Variants in ZNF391 observed in about 807,000 individuals in gnomAD.
ZNF391 encodes zinc finger protein 391.
For missense variants in ZNF391, 375 were observed against 425.5 expected, an observed-to-expected ratio of 0.88 and a Z score of 1.04; for synonymous variants, 126 against 142.1, an observed-to-expected ratio of 0.89 and a Z score of 0.80.
Position 27,400,819 on chromosome 6 carries a change from C to T in ZNF391, c.449C>T (p.Thr150Ile). The change falls in exon 3 of 3, where the codon ACA (threonine) becomes ATA (isoleucine). Residue 150 changes from threonine (T) to isoleucine (I), a missense_variant. Transcript: ENST00000244576. Reference sequence around the variant, plus strand: ...TGTGGGAAATCTTTCAGCCGAAGTACACACCTTATTGAACATCAAAGAACT... The same window carrying T: ...TGTGGGAAATCTTTCAGCCGAAGTATACACCTTATTGAACATCAAAGAACT... Reference protein sequence around the residue: ...NKCGKSFSRSTHLIEHQRTHT... With the variant: ...NKCGKSFSRSIHLIEHQRTHT... 1.2e-6 allele frequency: 2 copies of T among 1,614,208 alleles called. No individual in the cohort carries two copies. The highest frequency in any genetic ancestry group is 2.2e-5 in the South Asian group (2 of 91,086).
upstream of ZNF391, among the ~76,000 whole-genome samples, chr6:27,384,022 T>C (rs1477304228): frequency 1.3e-5 from 2 of 152,140 alleles, no homozygotes; most frequent in Non-Finnish European, 2.9e-5. Context: ...AAATCATCCT[T>C]CAAAAGTTGA....
In ZNF391 at chr6:27,376,900, T is replaced by G. The variant is rs1002172397; in HGVS notation, n.523+1763T>G. ...AATACGTACACATTCTTGTGAAGTTTGTAAAACTAGGTATTTGGGTGCCTC... is the reference window on the plus strand; with the variant it reads ...AATACGTACACATTCTTGTGAAGTTGGTAAAACTAGGTATTTGGGTGCCTC... On this transcript the variant is annotated intron_variant and non_coding_transcript_variant, in intron 1 of 2. Coordinates refer to the ZNF391 transcript ENST00000477999. This position sits in a 1 kb window ranked among gnomAD's most constrained non-coding sequence, Gnocchi z 4.7. Among the ~76,000 whole-genome samples the G allele has an allele frequency of 1.3e-5, 2 of 152,184 alleles. No homozygotes were observed. Among genetic ancestry groups the G allele is most frequent in the Non-Finnish European group, 2.9e-5 (2 of 68,038 alleles).
At chr6:27,395,009 A>AT (rs1372429692) in intron 1 of ZNF391, 1 of 152,044 alleles carries the variant, frequency 6.6e-6, no homozygotes, top group Non-Finnish European at 1.5e-5. Flanking sequence ...ATAAATTGTG[A>AT]TTTACAGGTT....
intron 1 of ZNF391, among the ~76,000 whole-genome samples, chr6:27,378,194 G>A (rs978061492): frequency 2.6e-5 from 4 of 152,188 alleles, no homozygotes; most frequent in African/African-American, 9.7e-5. Context: ...ACCACCCCCA[G>A]TCATCATATA....
chr6:27,394,819 T>C (rs10807022), intron 1 of ZNF391, among the ~76,000 whole-genome samples: 107,717 of 152,188 alleles, frequency 0.71, 38,348 homozygotes, highest in Middle Eastern at 0.82. Context: ...ACCCCTTGCA[T>C]CATTGTGCCC....
chr6:27,395,481 A>G (rs1256880141), intron 1 of ZNF391, among the ~76,000 whole-genome samples: 2 of 152,160 alleles, frequency 1.3e-5, no homozygotes, highest in African/African-American at 4.8e-5. Context: ...TGCCAACACC[A>G]TGCTTTTACA....
upstream of ZNF391, among the ~76,000 whole-genome samples, chr6:27,384,223 G>A (rs367581417): frequency 6.6e-6 from 1 of 152,100 alleles, no homozygotes; most frequent in African/African-American, 2.4e-5. Flanking sequence ...CAGCACTTTG[G>A]GAGGCTGAGG....
chr6:27,386,138 G>A (rs563956373), upstream of ZNF391, among the ~76,000 whole-genome samples: 1 of 152,176 alleles, frequency 6.6e-6, no homozygotes, highest in South Asian at 2.1e-4. Context: ...CAGTGCTTAG[G>A]GGGAATTTAT....
At chr6:27,399,298 C>T (rs1043439025) in intron 1 of ZNF391, 144 bp from the exon 2 acceptor site, 4 of 152,262 alleles carry the variant, frequency 2.6e-5, no homozygotes, top group African/African-American at 7.2e-5. Context: ...CTTTTAGAGA[C>T]TCATTTTCTC....
intron 1 of ZNF391, among the ~76,000 whole-genome samples, chr6:27,394,277 A>C (rs1211377271): frequency 6.6e-6 from 1 of 152,248 alleles, no homozygotes; most frequent in African/African-American, 2.4e-5. Flanking sequence ...TTTCAGAGCC[A>C]GATCCTGGGT....
chr6:27,395,494 C>T (rs1226139190), intron 1 of ZNF391, among the ~76,000 whole-genome samples: 1 of 152,158 alleles, frequency 6.6e-6, no homozygotes, highest in African/African-American at 2.4e-5. Flanking sequence ...CTTTTACAGC[C>T]TGCAGAACCG....
upstream of ZNF391, among the ~76,000 whole-genome samples, chr6:27,383,979 A>T (rs1761544895): frequency 6.6e-6 from 1 of 152,234 alleles, no homozygotes; most frequent in African/African-American, 2.4e-5. Context: ...TTTAGAGATT[A>T]AAAACCACCT....
At chr6:27,390,525 G>T (rs1761680622) in intron 1 of ZNF391, among the ~76,000 whole-genome samples, 1 of 149,310 alleles carries the variant, frequency 6.7e-6, no homozygotes. Context: ...TAAAGGTATA[G>T]CCCTAACCTC....
upstream of ZNF391, among the ~76,000 whole-genome samples, chr6:27,385,020 A>G (rs1761566629): frequency 6.6e-6 from 1 of 151,906 alleles, no homozygotes; most frequent in African/African-American, 2.4e-5. Flanking sequence ...CCATCTCAAA[A>G]AAAAAAAAAA....
intron 1 of ZNF391, among the ~76,000 whole-genome samples, chr6:27,395,798 T>C (rs544281081): frequency 6.6e-6 from 1 of 152,296 alleles, no homozygotes; most frequent in Non-Finnish European, 1.5e-5. Flanking sequence ...TCTTCAAATT[T>C]TGGATCTCCT....
At chr6:27,386,953 A>T, upstream of ZNF391, among the ~76,000 whole-genome samples, 1 of 131,568 alleles carries the variant, frequency 7.6e-6, no homozygotes, top group East Asian at 2.1e-4. Context: ...ACTGGGAGAA[A>T]ATATTTGCAA....
chr6:27,392,630 G>A (rs1761739194), intron 1 of ZNF391, among the ~76,000 whole-genome samples: 1 of 152,194 alleles, frequency 6.6e-6, no homozygotes, highest in Non-Finnish European at 1.5e-5. Context: ...GGTCTGGGAG[G>A]CAGTCACTCT....
At chr6:27,381,163 G>C (rs868046845) in intron 1 of ZNF391, among the ~76,000 whole-genome samples, 66 of 152,378 alleles carry the variant, frequency 4.3e-4, no homozygotes, top group African/African-American at 1.5e-3. Flanking sequence ...GCCCACGGAG[G>C]GGGTGGGAGG....
rs563849490 is a variant in ZNF391 at position 27,401,159 on chromosome 6, G to A, written c.789G>A (p.Ser263=). ...KCGKAFSWIS[S]LTEHQRTHTG... ...GAAAAGCTTTCAGTTGGATCTCATC[G>A]CTTACTGAACATCAGAGAACACACA... The change falls in exon 3 of 3, where the codon TCG becomes TCA. Residue 263 remains serine, a synonymous_variant. Transcript: ENST00000244576. 3.5e-5 allele frequency: 56 copies of A among 1,614,086 alleles called. No individual in the cohort carries two copies. The highest frequency in any genetic ancestry group is 1.6e-4 in the Middle Eastern group (1 of 6,062).
Sources: allele counts gnomAD v4.1 joint callset (sites outside exome capture counted in the v4.1 genomes callset), GRCh38; gene constraint gnomAD v4.1.1; non-coding constraint Gnocchi (gnomAD v3.1); transcripts MANE v1.5; gene names NCBI Gene and HGNC (gene_info 2026-07-23, HGNC 2026-07-21).